Variants in RFC3 observed in about 807,000 individuals in gnomAD.
RFC3 encodes the protein A1 38 kDa subunit.
RFC3 carries 41 observed loss-of-function variants against 45.1 expected under a neutral mutation model. The ratio of observed to expected loss-of-function variants is 0.91; its 90% CI spans 0.71 to 1.18. The LOEUF (loss-of-function observed/expected upper bound fraction) is 1.18. RFC3 is among the 50% of genes most tolerant of loss of function. RFC3 has a pLI of 0.00. For synonymous variants in RFC3, 149 were observed against 144.0 expected, an observed-to-expected ratio of 1.03 and a Z score of -0.25; for missense variants, 423 against 428.1, an observed-to-expected ratio of 0.99 and a Z score of 0.10.
rs775288883 is a variant in RFC3 at position 33,835,072 on chromosome 13, A to G, written c.810-76A>G. The G allele has an allele frequency of 9.3e-6, 8 of 857,032 alleles. No homozygotes were observed. In the Admixed American group the frequency reaches 1.5e-4, roughly 16 times the overall value. The allele number at this position is 857,032 out of a possible 1,614,324, so 53.1% of individuals were successfully genotyped here. A position where few individuals can be genotyped will look rare whatever the true frequency, so the allele number is the denominator to read the frequency against. On this transcript the variant is annotated intron_variant, in intron 7 of 8. Coordinates refer to ENST00000380071, the MANE Select transcript of RFC3 (RefSeq NM_002915.4). Reference sequence around the variant, plus strand: ...TGGATTGTTTGTTAATTCATAAAGTAAAACCATACAGTGGGAATTTGGAAA... The same window carrying G: ...TGGATTGTTTGTTAATTCATAAAGTGAAACCATACAGTGGGAATTTGGAAA...
At chr13:33,954,225 A>G (rs2083007342) in intron 8 of RFC3, among the ~76,000 whole-genome samples, 1 of 152,206 alleles carries the variant, frequency 6.6e-6, no homozygotes. Flanking sequence ...GGGGAAAAGA[A>G]TGGAATAGCT....
chr13:33,899,412 AACAG>A (rs2082624987), intron 8 of RFC3, among the ~76,000 whole-genome samples: 2 of 151,882 alleles, frequency 1.3e-5, no homozygotes, highest in South Asian at 4.2e-4. Context: ...ACATCATATC[AACAG>A]ACAAAGATTT....
chr13:33,922,150 CT>C (rs11317609), intron 8 of RFC3, among the ~76,000 whole-genome samples: 23,602 of 126,398 alleles, frequency 0.19, 3,821 homozygotes, highest in African/African-American at 0.45. Context: ...AGCTTCATTG[CT>C]TTTTTTTTTT....
chr13:33,932,467 T>C (rs1161893700), intron 8 of RFC3, among the ~76,000 whole-genome samples: 1 of 152,146 alleles, frequency 6.6e-6, no homozygotes, highest in Non-Finnish European at 1.5e-5. Flanking sequence ...TTTATTGGGA[T>C]CTTCTTTCAT....
intron 8 of RFC3, among the ~76,000 whole-genome samples, chr13:33,929,897 G>A (rs911701721): frequency 1.3e-5 from 2 of 152,080 alleles, no homozygotes; most frequent in Admixed American, 6.5e-5. Flanking sequence ...ACAGAGACCC[G>A]GAATAAATTC....
At chr13:33,951,039 C>CTTTTTTTTTTTTTTTTTTTTTTT (rs926664684) in intron 8 of RFC3, among the ~76,000 whole-genome samples, 2 of 60,804 alleles carry the variant, frequency 3.3e-5, no homozygotes, top group African/African-American at 6.5e-5. Flanking sequence ...TCTGATGGCT[C>CTTTTTTTTTTTTTTTTTTTTTTT]TTTTTTTTTT....
intron 8 of RFC3, among the ~76,000 whole-genome samples, chr13:33,937,705 G>A (rs1009318296): frequency 8.5e-5 from 13 of 152,112 alleles, no homozygotes; most frequent in South Asian, 2.1e-4. Flanking sequence ...AGGTGTAGCC[G>A]GACTCCTTAT....
At chr13:33,920,730 C>T (rs2082763793) in intron 8 of RFC3, among the ~76,000 whole-genome samples, 1 of 151,992 alleles carries the variant, frequency 6.6e-6, no homozygotes, top group African/African-American at 2.4e-5. Flanking sequence ...GCCACTGCAC[C>T]CAGCCAACCA....
In RFC3 at chr13:33,836,369, G is replaced by T; in HGVS notation, c.*74G>T. The stretch of plus-strand genomic sequence containing the variant: ...ACAGCTTATATTAAAAGAGCTGTGG[G>T]TAAATTAACTGAACTTAATCATGTC... On this transcript the variant is annotated 3_prime_UTR_variant, in exon 9 of 9. Coordinates refer to ENST00000380071, the MANE Select transcript of RFC3 (RefSeq NM_002915.4). The T allele has an allele frequency of 6.5e-7, 1 of 1,545,234 alleles. No homozygotes were observed. The highest frequency in any genetic ancestry group is 8.7e-7 in the Non-Finnish European group (1 of 1,144,464).
At chr13:33,820,988 T>G in intron 1 of RFC3, 144 bp from the exon 2 acceptor site, 1 of 505,868 alleles carries the variant, frequency 2.0e-6, no homozygotes, top group Non-Finnish European at 3.5e-6. Flanking sequence ...GTTTTACACA[T>G]ATATAAAAAA....
chr13:33,931,641 A>AGTTGT (rs113437570), intron 8 of RFC3, among the ~76,000 whole-genome samples: 69,275 of 151,166 alleles, frequency 0.46, 17,772 homozygotes, highest in African/African-American at 0.68. Context: ...CTGCCTTAGA[A>AGTTGT]GTTGTGTATA....
At chr13:33,944,884 A>C (rs2137813315) in intron 8 of RFC3, among the ~76,000 whole-genome samples, 1 of 152,200 alleles carries the variant, frequency 6.6e-6, no homozygotes, top group East Asian at 1.9e-4. Context: ...AAGAAACTTC[A>C]GATTAACCCC....
At chr13:33,855,297 CAT>C (rs1455763980) in intron 8 of RFC3, among the ~76,000 whole-genome samples, 4 of 152,100 alleles carry the variant, frequency 2.6e-5, no homozygotes, top group African/African-American at 7.2e-5. Context: ...ACACAGGAAA[CAT>C]AGATGGATTT....
chr13:33,919,791 G>C (rs17080178), intron 8 of RFC3, among the ~76,000 whole-genome samples: 46,680 of 152,018 alleles, frequency 0.31, 11,493 homozygotes, highest in African/African-American at 0.66. Flanking sequence ...AGGGGGAAAA[G>C]AGATATACAT....
intron 8 of RFC3, among the ~76,000 whole-genome samples, chr13:33,890,009 C>T (rs940347637): frequency 4.6e-5 from 7 of 152,256 alleles, no homozygotes; most frequent in South Asian, 2.1e-4. Flanking sequence ...ATAGGTTCAA[C>T]GGTCCTGACT....
At chr13:33,977,155 G>A in the RFC3 span, among the ~76,000 whole-genome samples, 2 of 152,172 alleles carry the variant, frequency 1.3e-5, no homozygotes, top group Non-Finnish European at 2.9e-5. Context: ...ACTGTGGCAA[G>A]CAAGAGGAAC....
intron 8 of RFC3, among the ~76,000 whole-genome samples, chr13:33,868,254 T>A (rs1042335046): frequency 1.3e-5 from 2 of 152,138 alleles, no homozygotes; most frequent in African/African-American, 4.8e-5. Flanking sequence ...CAGAGACCTT[T>A]AAAATGTGAG....
downstream of RFC3, among the ~76,000 whole-genome samples, chr13:33,840,222 A>T (rs2082187810): frequency 6.6e-6 from 1 of 152,152 alleles, no homozygotes; most frequent in Non-Finnish European, 1.5e-5. Context: ...AAGACTAATT[A>T]CATCGTTATT....
intron 8 of RFC3, among the ~76,000 whole-genome samples, chr13:33,863,197 A>G (rs994324648): frequency 8.5e-5 from 13 of 152,094 alleles, no homozygotes; most frequent in Admixed American, 5.9e-4. Flanking sequence ...TGCATCAGTA[A>G]TATAATGAAT....
Sources: allele counts gnomAD v4.1 joint callset (sites outside exome capture counted in the v4.1 genomes callset), GRCh38; gene constraint gnomAD v4.1.1; transcripts MANE v1.5; gene names NCBI Gene and HGNC (gene_info 2026-07-23, HGNC 2026-07-21).